Variants in RTCA observed in about 807,000 individuals in gnomAD.
The protein encoded by RTCA is RNA 3'-terminal phosphate cyclase.
In RTCA, 37 loss-of-function variants were observed where a neutral mutation model predicts 46.1. The observed-to-expected ratio is 0.80, with a 90% CI of 0.62 to 1.06. RTCA has a LOEUF of 1.06. Among genes scored for constraint, RTCA ranks in the 50% least tolerant of loss-of-function variants. RTCA has a pLI of 0.00. For synonymous variants in RTCA, 164 were observed against 158.3 expected, an observed-to-expected ratio of 1.04 and a Z score of -0.27; for missense variants, 435 against 455.5, an observed-to-expected ratio of 0.95 and a Z score of 0.41.
intron 8 of RTCA, among the ~76,000 whole-genome samples, chr1:100,283,988 G>C (rs1423040216): frequency 7.9e-6 from 1 of 126,124 alleles, no homozygotes; most frequent in Non-Finnish European, 1.7e-5. Context: ...AAGAAAAATA[G>C]AGTTAAAATT....
At chr1:100,291,315 A>G (rs1011866434) in intron 10 of RTCA, 88 bp from the exon 11 acceptor site, 2 of 778,094 alleles carry the variant, frequency 2.6e-6, no homozygotes, top group Non-Finnish European at 4.2e-6. Flanking sequence ...TGGGCTTGAC[A>G]TTAACTCTCT....
chr1:100,266,439 G>A lies in RTCA; in HGVS notation c.45+19G>A. 5.6e-6 allele frequency: 9 copies of A among 1,609,594 alleles called. No homozygotes were observed. The highest frequency in any genetic ancestry group is 6.8e-6 in the Non-Finnish European group (8 of 1,176,762). ...GGAAGGGGTGAGTACAGAGCGAAGC[G>A]GCCGGGGCTGCAGCCTAACTAAGGA... On this transcript the variant is annotated intron_variant, in intron 1 of 10. Coordinates refer to ENST00000370128, the MANE Select transcript of RTCA (RefSeq NM_003729.4).
Position 100,287,102 on chromosome 1 carries a change from A to G in RTCA, c.898A>G (p.Ile300Val). The change falls in exon 10 of 11, where the codon ATT becomes GTT. Residue 300 changes from isoleucine (I) to valine (V), a missense_variant. Coordinates refer to ENST00000370128, the MANE Select transcript of RTCA (RefSeq NM_003729.4). Reference sequence around the variant, plus strand: ...TTCTTTGTTCTTTTTTAAATAGCTGATTGTTTTCATGGCATTAGCCAATGG... The same window carrying G: ...TTCTTTGTTCTTTTTTAAATAGCTGGTTGTTTTCATGGCATTAGCCAATGG... ...TVDEYLQDQLIVFMALANGVS... is the reference protein window; with the variant it reads ...TVDEYLQDQLVVFMALANGVS... 6.5e-7 allele frequency: 1 copy of G among 1,544,042 alleles called. No homozygotes were observed. The highest frequency in any genetic ancestry group is 1.3e-5 in the South Asian group (1 of 79,616).
At chr1:100,271,734 C>G (rs1391672963) in intron 4 of RTCA, among the ~76,000 whole-genome samples, 1 of 152,066 alleles carries the variant, frequency 6.6e-6, no homozygotes, top group Non-Finnish European at 1.5e-5. Flanking sequence ...TTTTAACATG[C>G]AGTTCTGTGA....
At chr1:100,288,462 T>C (rs1007189081) in intron 10 of RTCA, among the ~76,000 whole-genome samples, 4 of 152,038 alleles carry the variant, frequency 2.6e-5, no homozygotes, top group African/African-American at 9.7e-5. Context: ...CCAGGCTGGA[T>C]TGCAGTGGCA....
intron 7 of RTCA, 52 bp downstream of exon 7, chr1:100,275,775 C>A: frequency 6.9e-7 from 1 of 1,450,178 alleles, no homozygotes; most frequent in South Asian, 1.4e-5. Context: ...AAATAGTTAT[C>A]TAATTAAATT....
chr1:100,287,575 T>C (rs1667092675), intron 10 of RTCA, among the ~76,000 whole-genome samples: 1 of 152,182 alleles, frequency 6.6e-6, no homozygotes, highest in African/African-American at 2.4e-5. Flanking sequence ...TGTTTTGTTG[T>C]GAACTATGAT....
At chr1:100,287,794 C>CT (rs151172878) in intron 10 of RTCA, among the ~76,000 whole-genome samples, 3 of 125,430 alleles carry the variant, frequency 2.4e-5, no homozygotes, top group African/African-American at 8.8e-5. Flanking sequence ...CTACAGGATT[C>CT]TTTTTTTTTT....
At chr1:100,290,627 A>ATGG (rs1344251468) in intron 10 of RTCA, among the ~76,000 whole-genome samples, 2 of 152,120 alleles carry the variant, frequency 1.3e-5, no homozygotes, top group Non-Finnish European at 2.9e-5. Flanking sequence ...TTAGCCAGGC[A>ATGG]TGGTGGCATG....
At chr1:100,280,576 G>C (rs1472656506) in intron 8 of RTCA, among the ~76,000 whole-genome samples, 1 of 152,164 alleles carries the variant, frequency 6.6e-6, no homozygotes, top group Non-Finnish European at 1.5e-5. Context: ...CAAATGAGAT[G>C]TTAGCAAATG....
rs116691916 is a variant in RTCA at position 100,291,309 on chromosome 1, C to A, written c.1000-94C>A. 9.1e-4 allele frequency: 657 copies of A among 718,140 alleles called. 3 individuals carry two copies. In the African/African-American group the frequency reaches 0.011, roughly 12 times the overall value. The allele number at this position is 718,140 out of a possible 1,614,324, so 44.5% of individuals were successfully genotyped here. A position where few individuals can be genotyped will look rare whatever the true frequency, so the allele number is the denominator to read the frequency against. ...TCTGTAGGTTTTTCAATAAAATGGG[C>A]TTGACATTAACTCTCTGCCTACATA... On this transcript the variant is annotated intron_variant, in intron 10 of 10. Transcript: ENST00000370128.
chr1:100,276,747 T>C (rs555837533), intron 7 of RTCA, among the ~76,000 whole-genome samples: 1 of 152,368 alleles, frequency 6.6e-6, no homozygotes, highest in Non-Finnish European at 1.5e-5. Context: ...GTACAAATTC[T>C]TTAACTGATG....
At chr1:100,280,217 C>T (rs1557977817) in intron 8 of RTCA, among the ~76,000 whole-genome samples, 3 of 152,098 alleles carry the variant, frequency 2.0e-5, no homozygotes, top group African/African-American at 7.2e-5. Flanking sequence ...GATATATTTA[C>T]CTCTTGTGAA....
At chr1:100,285,723 G>A (rs1666985851) in intron 9 of RTCA, among the ~76,000 whole-genome samples, 2 of 152,128 alleles carry the variant, frequency 1.3e-5, no homozygotes, top group South Asian at 4.2e-4. Flanking sequence ...GGTTTCAAGT[G>A]ATCCTCCTGC....
At chr1:100,269,637 T>G (rs1365968664) in intron 3 of RTCA, among the ~76,000 whole-genome samples, 3 of 152,108 alleles carry the variant, frequency 2.0e-5, no homozygotes, top group Non-Finnish European at 4.4e-5. Context: ...CCGGCCAAGC[T>G]GTGAGTGTTT....
Position 100,289,764 on chromosome 1 carries a change from T to C in RTCA, c.1000-1639T>C, listed in dbSNP as rs2100817982. On this transcript the variant is annotated intron_variant, in intron 10 of 10. Transcript: ENST00000370128. ...AAAGTGCTATGAACCTGTGTATAGCTTGTATCTTGGTCAGCTTTGTTGTGT... is the reference window on the plus strand; with the variant it reads ...AAAGTGCTATGAACCTGTGTATAGCCTGTATCTTGGTCAGCTTTGTTGTGT... 1.3e-5 allele frequency among the ~76,000 whole-genome samples: 2 copies of C among 152,248 alleles called. 1 individual carries two copies. Among genetic ancestry groups the C allele is most frequent in the Admixed American group, 1.3e-4 (2 of 15,296 alleles).
At chr1:100,275,946 C>T (rs1666346278) in intron 7 of RTCA, among the ~76,000 whole-genome samples, 1 of 151,980 alleles carries the variant, frequency 6.6e-6, no homozygotes, top group South Asian at 2.1e-4. Flanking sequence ...TGCCATTCTT[C>T]TGCCTGAGCC....
chr1:100,291,551 C>A lies in RTCA; in HGVS notation c.*47C>A. On this transcript the variant is annotated 3_prime_UTR_variant, in exon 11 of 11. Transcript: ENST00000370128. ...ACCTCATTGATATATTGCACTATTT[C>A]ATAAATACTATAAAATAATGACTAG... The A allele has an allele frequency of 9.2e-7, 1 of 1,090,322 alleles. No individual in the cohort carries two copies. The highest frequency in any genetic ancestry group is 1.4e-5 in the South Asian group (1 of 71,112). The allele number at this position is 1,090,322 out of a possible 1,614,324, so 67.5% of individuals were successfully genotyped here.
chr1:100,291,305 T>C, intron 10 of RTCA, 98 bp from the exon 11 acceptor site: 1 of 691,048 alleles, frequency 1.4e-6, no homozygotes, highest in Non-Finnish European at 2.5e-6. Context: ...TTCAATAAAA[T>C]GGGCTTGACA....
Sources: allele counts gnomAD v4.1 joint callset (sites outside exome capture counted in the v4.1 genomes callset), GRCh38; gene constraint gnomAD v4.1.1; transcripts MANE v1.5; gene names NCBI Gene and HGNC (gene_info 2026-07-23, HGNC 2026-07-21).